Variants in BCOR observed in about 807,000 individuals in gnomAD.
BCOR encodes the protein BCL6 corepressor, also known as BCL-6 corepressor.
In BCOR, 10 loss-of-function variants were observed where a neutral mutation model predicts 86.7. The ratio of observed to expected loss-of-function variants is 0.12; its 90% CI spans 0.07 to 0.20. The LOEUF is 0.20. BCOR is among the 10% of genes least tolerant of loss of function. The pLI, the probability that BCOR is intolerant of heterozygous loss-of-function variation, is 1.00. For synonymous variants in BCOR, 611 were observed against 609.0 expected (o/e 1.00, Z -0.05); for missense variants, 1,259 against 1,452.1 (o/e 0.87, Z 2.16).
chrX:40,126,444 G>C (rs1390716648), intron 1 of BCOR, among the ~76,000 whole-genome samples: 1 of 108,740 alleles, frequency 9.2e-6, no homozygotes, highest in Admixed American at 9.9e-5. Context: ...AGAATCGTTT[G>C]AACCTGGGAG....
At chrX:40,069,911 T>A (rs1388983112) in intron 6 of BCOR, among the ~76,000 whole-genome samples, 1 of 112,173 alleles carries the variant, frequency 8.9e-6, no homozygotes, top group East Asian at 2.8e-4. Context: ...AGCAATGACT[T>A]ACAACAAATC....
At chrX:40,104,540 T>C (rs1465310754) in intron 1 of BCOR, among the ~76,000 whole-genome samples, 1 of 110,075 alleles carries the variant, frequency 9.1e-6, no homozygotes, top group Non-Finnish European at 1.9e-5. Context: ...AGCCCCAGAA[T>C]GCAAACCTCA....
At chrX:40,092,204 G>C (rs1936649787) in intron 1 of BCOR, among the ~76,000 whole-genome samples, 3 of 112,233 alleles carry the variant, frequency 2.7e-5, no homozygotes, top group Non-Finnish European at 5.7e-5. Flanking sequence ...GCAGCTCCGG[G>C]GAACGTCCTG....
At chrX:40,137,356 G>A (rs946649427) in intron 1 of BCOR, among the ~76,000 whole-genome samples, 1 of 110,167 alleles carries the variant, frequency 9.1e-6, no homozygotes, top group Non-Finnish European at 1.9e-5. Flanking sequence ...AGACCAGCCT[G>A]GCCAACATGG....
chrX:40,114,849 C>CTTT lies in BCOR; in HGVS notation c.-40-36883_-40-36881dup, dbSNP rs763376608. On this transcript the variant is annotated intron_variant, in intron 1 of 14. Coordinates refer to the BCOR transcript ENST00000342274. ...CCTATGGCTTAGGTATTACCATTCA[C>CTTT]TTTTTTTTTTTTTTTTTTTTTGAGT... Among the ~76,000 whole-genome samples, 47 of 85,079 alleles carry CTTT rather than the reference C, an allele frequency of 5.5e-4. 2 individuals carry two copies. The highest frequency in any genetic ancestry group is 1.3e-3 in the East Asian group (3 of 2,262). 73.9% of individuals were successfully genotyped at this position (85,079 alleles called of 115,157 possible).
At chrX:40,113,757 G>GA (rs202158251) in intron 1 of BCOR, among the ~76,000 whole-genome samples, 4,967 of 109,299 alleles carry the variant, frequency 0.045, 109 homozygotes, top group Middle Eastern at 0.07. Flanking sequence ...ACATATTGAT[G>GA]AAAAAAAAAT....
chrX:40,090,807 G>C (rs1276192404), intron 1 of BCOR, among the ~76,000 whole-genome samples: 1 of 111,706 alleles, frequency 9.0e-6, no homozygotes, highest in East Asian at 2.8e-4. Flanking sequence ...AATGCAAGAG[G>C]TTTTTGGTGT....
chrX:40,175,935 A>G (rs1222550949), intron 1 of BCOR, among the ~76,000 whole-genome samples: 1 of 112,361 alleles, frequency 8.9e-6, no homozygotes, highest in African/African-American at 3.2e-5. Context: ...ACGCTACCCT[A>G]CTTTTCCAGG....
At chrX:40,128,950 A>C (rs1164252989) in intron 1 of BCOR, among the ~76,000 whole-genome samples, 1 of 112,011 alleles carries the variant, frequency 8.9e-6, no homozygotes, top group Non-Finnish European at 1.9e-5. Context: ...CTTGTTGCAT[A>C]TTCAATGCAT....
chrX:40,060,331 C>T (rs185713538), intron 10 of BCOR, among the ~76,000 whole-genome samples: 51 of 112,367 alleles, frequency 4.5e-4, no homozygotes, highest in African/African-American at 1.6e-3. Context: ...GAAAAGTTGT[C>T]CTTCCATAAA....
intron 6 of BCOR, among the ~76,000 whole-genome samples, chrX:40,066,223 C>T (rs1442468465): frequency 9.0e-6 from 1 of 111,579 alleles, no homozygotes; most frequent in African/African-American, 3.3e-5. Context: ...AACGGATGGG[C>T]GTCCAAAAAC....
chrX:40,167,944 T>C (rs1938536606), intron 1 of BCOR, among the ~76,000 whole-genome samples: 1 of 112,938 alleles, frequency 8.9e-6, no homozygotes, highest in African/African-American at 3.2e-5. Flanking sequence ...AGCTCATGAA[T>C]GAACTCTTTC....
chrX:40,115,066 A>T lies in BCOR; in HGVS notation c.-40-37097T>A, dbSNP rs1354383854. On this transcript the variant is annotated intron_variant, in intron 1 of 14. Transcript: ENST00000342274. ...ACGGGGTTTCATTGTGTTAGCCAGG[A>T]TGGTCTCAATCTCTTGACCTTGTGA... Among the ~76,000 whole-genome samples the T allele has an allele frequency of 9.1e-5, 10 of 110,290 alleles. No individual in the cohort carries two copies. In the Admixed American group the frequency reaches 9.7e-4, roughly 11 times the overall value.
chrX:40,095,728 C>T (rs1046623102), intron 1 of BCOR, among the ~76,000 whole-genome samples: 5 of 110,638 alleles, frequency 4.5e-5, no homozygotes, highest in African/African-American at 1.6e-4. Flanking sequence ...TCCTTCTTCG[C>T]TCTTCCATTC....
intron 1 of BCOR, among the ~76,000 whole-genome samples, chrX:40,129,948 C>T (rs963719986): frequency 6.3e-5 from 7 of 110,980 alleles, no homozygotes; most frequent in African/African-American, 2.0e-4. Context: ...GGCTGAGGCA[C>T]GAGAATTGTA....
At chrX:40,135,242 A>C (rs1325845435) in intron 1 of BCOR, among the ~76,000 whole-genome samples, 1 of 111,291 alleles carries the variant, frequency 9.0e-6, no homozygotes, top group East Asian at 2.8e-4. Flanking sequence ...ATCCTATGCC[A>C]CATCTCCAAG....
chrX:40,110,781 G>A (rs1937299241), intron 1 of BCOR, among the ~76,000 whole-genome samples: 1 of 83,358 alleles, frequency 1.2e-5, no homozygotes, highest in Non-Finnish European at 2.2e-5. Context: ...CATGATCTTG[G>A]CTCACTGCAA....
intron 1 of BCOR, among the ~76,000 whole-genome samples, chrX:40,171,936 C>T (rs1010220896): frequency 8.9e-6 from 1 of 112,804 alleles, no homozygotes; most frequent in African/African-American, 3.2e-5. Flanking sequence ...CGGCCGGCTC[C>T]GGCTCACAGA....
chrX:40,124,551 C>T (rs934156142), intron 1 of BCOR, among the ~76,000 whole-genome samples: 2 of 110,954 alleles, frequency 1.8e-5, no homozygotes, highest in South Asian at 3.8e-4. Context: ...ACGTGAGCCA[C>T]GGCACCTAGC....
Sources: allele counts gnomAD v4.1 joint callset (sites outside exome capture counted in the v4.1 genomes callset), GRCh38; gene constraint gnomAD v4.1.1; transcripts MANE v1.5; gene names NCBI Gene and HGNC (gene_info 2026-07-23, HGNC 2026-07-21).